MAP3K5: variants seen among roughly 807,000 people sequenced by gnomAD.
The protein encoded by MAP3K5 is ASK-1.
In MAP3K5, 56 loss-of-function variants were observed where a neutral mutation model predicts 158.7. The observed-to-expected ratio is 0.35, with a 90% CI of 0.28 to 0.44. MAP3K5 has a LOEUF of 0.44. Ranked by LOEUF, MAP3K5 falls within the 20% of genes least tolerant of loss-of-function variation. MAP3K5 has a pLI of 1.00. For missense variants in MAP3K5, 1,294 were observed against 1,674.8 expected, an observed-to-expected ratio of 0.77 and a Z score of 3.97; for synonymous variants, 579 against 601.7, an observed-to-expected ratio of 0.96 and a Z score of 0.55.
chr6:136,597,708 T>C (rs1467575660), intron 21 of MAP3K5, among the ~76,000 whole-genome samples: 1 of 152,222 alleles, frequency 6.6e-6, no homozygotes, highest in East Asian at 1.9e-4. Context: ...GCTATATTCC[T>C]AGTGCCTTGT....
intron 1 of MAP3K5, among the ~76,000 whole-genome samples, chr6:136,759,464 A>ATATATATATATT: frequency 7.1e-6 from 1 of 140,178 alleles, no homozygotes; most frequent in African/African-American, 2.6e-5. Context: ...CTATATATAT[A>ATATATATATATT]TATATATATA....
chr6:136,644,577 G>T (rs1778153527), intron 11 of MAP3K5, among the ~76,000 whole-genome samples: 1 of 152,222 alleles, frequency 6.6e-6, no homozygotes, highest in South Asian at 2.1e-4. Context: ...ATTGACTGAA[G>T]GTGGCAGGAG....
chr6:136,641,560 C>A (rs1777935550), intron 12 of MAP3K5, among the ~76,000 whole-genome samples: 1 of 151,846 alleles, frequency 6.6e-6, no homozygotes, highest in South Asian at 2.1e-4. Flanking sequence ...TTCTAAGCTA[C>A]TGGCATTGTG....
At chr6:136,713,726 T>C (rs535686867) in intron 2 of MAP3K5, among the ~76,000 whole-genome samples, 1 of 152,266 alleles carries the variant, frequency 6.6e-6, no homozygotes, top group South Asian at 2.1e-4. Flanking sequence ...AGATTGTCTC[T>C]ACCAAATGAA....
intron 2 of MAP3K5, among the ~76,000 whole-genome samples, chr6:136,709,236 A>G (rs1169446646): frequency 2.0e-5 from 3 of 152,204 alleles, no homozygotes; most frequent in African/African-American, 7.2e-5. Context: ...AGCGGGTACT[A>G]CAAAAGCATG....
rs1779596435 is a variant in MAP3K5 at position 136,674,006 on chromosome 6, A to C, written c.1254-4611T>G. On this transcript the variant is annotated intron_variant, in intron 7 of 29. Transcript: ENST00000359015. ...CGAAAACACAGTGGAAAATCTTTTA[A>C]AATCAGCCAGAGAAAAAAGATACAT... Among the ~76,000 whole-genome samples the C allele has an allele frequency of 2.6e-5, 4 of 152,152 alleles. No homozygotes were observed. In the South Asian group the frequency reaches 8.3e-4, roughly 32 times the overall value.
intron 26 of MAP3K5, among the ~76,000 whole-genome samples, chr6:136,565,583 T>C (rs1774063744): frequency 1.3e-5 from 2 of 152,246 alleles, no homozygotes; most frequent in African/African-American, 4.8e-5. Context: ...GTGATCATCC[T>C]AAATATTCTA....
intron 7 of MAP3K5, among the ~76,000 whole-genome samples, chr6:136,678,513 T>C (rs192159793): frequency 2.0e-5 from 3 of 152,204 alleles, no homozygotes; most frequent in East Asian, 3.9e-4. Flanking sequence ...TAAACAATGA[T>C]TAAAAGTGCA....
chr6:136,600,544 G>C (rs1161353023), intron 21 of MAP3K5, among the ~76,000 whole-genome samples: 1 of 151,976 alleles, frequency 6.6e-6, no homozygotes, highest in Admixed American at 6.6e-5. Context: ...GATCTTCTTA[G>C]AGCAAATCTA....
At chr6:136,770,111 C>T (rs9376229) in intron 1 of MAP3K5, among the ~76,000 whole-genome samples, 22,483 of 151,936 alleles carry the variant, frequency 0.15, 2,087 homozygotes, top group East Asian at 0.29. Flanking sequence ...TTTATAATGG[C>T]CTCCCTTTTT....
At chr6:136,725,807 C>G (rs1294885516) in intron 1 of MAP3K5, among the ~76,000 whole-genome samples, 2 of 152,112 alleles carry the variant, frequency 1.3e-5, no homozygotes, top group Admixed American at 6.5e-5. Flanking sequence ...ATGGTTTCTT[C>G]TAGAAGTTTT....
chr6:136,763,130 C>T (rs933382799), intron 1 of MAP3K5, among the ~76,000 whole-genome samples: 4 of 152,126 alleles, frequency 2.6e-5, no homozygotes, highest in East Asian at 1.9e-4. Context: ...ATAGCTGGGA[C>T]CACAGGTGCA....
At chr6:136,606,991 C>T (rs1280006882) in intron 18 of MAP3K5, among the ~76,000 whole-genome samples, 1 of 152,202 alleles carries the variant, frequency 6.6e-6, no homozygotes, top group Non-Finnish European at 1.5e-5. Flanking sequence ...GTAGTTCACG[C>T]TAACATACAA....
At chr6:136,672,999 A>G (rs182391855) in intron 7 of MAP3K5, among the ~76,000 whole-genome samples, 1,870 of 151,468 alleles carry the variant, frequency 0.012, 21 homozygotes, top group South Asian at 0.025. Context: ...CAAAAAAAAA[A>G]AAAAAAGAAA....
chr6:136,632,120 A>G (rs1019556022), intron 14 of MAP3K5, among the ~76,000 whole-genome samples: 1 of 152,156 alleles, frequency 6.6e-6, no homozygotes, highest in Non-Finnish European at 1.5e-5. Context: ...GGCCACCTGG[A>G]AAGTGGAAAG....
intron 8 of MAP3K5, 126 bp downstream of exon 8, chr6:136,669,157 C>A (rs1779359279): frequency 1.4e-6 from 1 of 712,430 alleles, no homozygotes; most frequent in South Asian, 1.6e-5. Flanking sequence ...TAATAAGTTT[C>A]TTTTTTCTCT....
intron 7 of MAP3K5, among the ~76,000 whole-genome samples, chr6:136,674,267 A>G (rs1478035410): frequency 6.6e-6 from 1 of 152,108 alleles, no homozygotes; most frequent in Non-Finnish European, 1.5e-5. Context: ...TTCAGAAAGA[A>G]AGAGCATCAG....
intron 7 of MAP3K5, among the ~76,000 whole-genome samples, chr6:136,680,877 T>C (rs570216260): frequency 1.3e-5 from 2 of 151,984 alleles, no homozygotes; most frequent in Admixed American, 6.6e-5. Flanking sequence ...TTGGAAGAGC[T>C]CTGCAGGGGA....
At chr6:136,676,935 G>A (rs1391333309) in intron 7 of MAP3K5, among the ~76,000 whole-genome samples, 2 of 151,014 alleles carry the variant, frequency 1.3e-5, no homozygotes, top group Non-Finnish European at 3.0e-5. Context: ...GGGATTACAG[G>A]TGCACGCCAC....
Sources: gnomAD v4.1 joint callset for allele counts (sites outside exome capture counted in the v4.1 genomes callset) on GRCh38, gnomAD v4.1.1 for gene constraint, MANE v1.5 for transcripts, NCBI Gene and HGNC (gene_info 2026-07-23, HGNC 2026-07-21) for gene names.